The following TMC7 variants were observed in gnomAD, a reference collection of about 807,000 sequenced individuals.
TMC7 encodes the protein transmembrane channel-like protein 7.
A neutral mutation model predicts 82.9 loss-of-function variants in TMC7; 54 were observed. The observed-to-expected ratio is 0.65, with a 90% CI of 0.52 to 0.82. TMC7 has a LOEUF of 0.82. Among genes scored for constraint, TMC7 ranks in the 40% least tolerant of loss-of-function variants. TMC7 has a pLI of 0.00. For synonymous variants in TMC7, 350 were observed against 337.9 expected (o/e 1.04, Z -0.39); for missense variants, 820 against 901.2 (o/e 0.91, Z 1.15).
chr16:19,012,410 C>G (rs1959409640), intron 2 of TMC7: 1 of 152,116 alleles, frequency 6.6e-6, no homozygotes, highest in Admixed American at 6.6e-5. Flanking sequence ...CATCAAGGGA[C>G]TTCCAGGCTC....
chr16:19,060,649 T>C (rs1283625627), intron 15 of TMC7, among the ~76,000 whole-genome samples: 1 of 151,724 alleles, frequency 6.6e-6, no homozygotes, highest in Non-Finnish European at 1.5e-5. Flanking sequence ...GGCCACAGGG[T>C]GGTGAGTGAT....
At chr16:19,054,723 A>G (rs933978234) in intron 13 of TMC7, among the ~76,000 whole-genome samples, 14 of 150,798 alleles carry the variant, frequency 9.3e-5, no homozygotes, top group African/African-American at 3.4e-4. Flanking sequence ...TCTCAAAAAA[A>G]AAAAGCATGG....
intron 1 of TMC7, among the ~76,000 whole-genome samples, chr16:18,987,650 C>T (rs957241463): frequency 6.6e-6 from 1 of 152,164 alleles, no homozygotes; most frequent in African/African-American, 2.4e-5. Flanking sequence ...AAAACAGGGG[C>T]TTTGCCTTGT....
chr16:19,007,171 T>A (rs1344424085), intron 1 of TMC7, among the ~76,000 whole-genome samples: 2 of 152,042 alleles, frequency 1.3e-5, no homozygotes, highest in African/African-American at 4.8e-5. Context: ...GTTCTTGCAG[T>A]CACCCAGGTT....
chr16:19,037,336 C>T (rs1400559000), intron 7 of TMC7, among the ~76,000 whole-genome samples: 6 of 136,888 alleles, frequency 4.4e-5, no homozygotes, highest in East Asian at 2.1e-4. Context: ...TGCAGTGAGC[C>T]GAGATTGGAC....
At chr16:18,995,737 G>A (rs1167312245) in intron 1 of TMC7, among the ~76,000 whole-genome samples, 1 of 152,186 alleles carries the variant, frequency 6.6e-6, no homozygotes, top group Non-Finnish European at 1.5e-5. Flanking sequence ...TTGCTACTTG[G>A]CTGCATCTAC....
chr16:18,996,611 G>C (rs559506477), intron 1 of TMC7, among the ~76,000 whole-genome samples: 2 of 152,306 alleles, frequency 1.3e-5, no homozygotes, highest in African/African-American at 4.8e-5. Flanking sequence ...TTAAGTTCTT[G>C]AGAACACAGG....
At chr16:19,018,405 G>T (rs946760387) in intron 3 of TMC7, among the ~76,000 whole-genome samples, 4 of 152,066 alleles carry the variant, frequency 2.6e-5, no homozygotes, top group African/African-American at 7.2e-5. Context: ...CTGTGTTCAC[G>T]TAACCTTTGC....
chr16:19,030,319 G>T lies in TMC7; in HGVS notation c.807G>T (p.Leu269Phe). 1 of 1,613,744 alleles carries T rather than the reference G, an allele frequency of 6.2e-7. No homozygotes were observed. The highest frequency in any genetic ancestry group is 8.5e-7 in the Non-Finnish European group (1 of 1,179,896). The change falls in exon 6 of 16, where the codon TTG becomes TTT. Residue 269 changes from leucine (L) to phenylalanine (F), a missense_variant. Leu to Phe is a conservative substitution (Grantham distance 22, BLOSUM62 0). Coordinates refer to ENST00000304381, the MANE Select transcript of TMC7 (RefSeq NM_024847.4). ...NFTYDLPLAYLLSTIASLALS... is the reference protein window; with the variant it reads ...NFTYDLPLAYFLSTIASLALS... ...CCTATGATCTGCCCCTGGCGTATTT[G>T]TTAAGCACAATCGCCTCCCTGGCCC...
intron 6 of TMC7, among the ~76,000 whole-genome samples, chr16:19,031,575 A>G (rs886451924): frequency 6.6e-6 from 1 of 152,024 alleles, no homozygotes; most frequent in African/African-American, 2.4e-5. Flanking sequence ...GGAGGAGGAG[A>G]CAGGAGAATC....
intron 8 of TMC7, among the ~76,000 whole-genome samples, 174 bp from the exon 9 acceptor site, chr16:19,040,115 C>CAAAAA (rs55719597): frequency 4.5e-5 from 3 of 67,100 alleles, no homozygotes; most frequent in Non-Finnish European, 7.6e-5. Flanking sequence ...GACTCCATCT[C>CAAAAA]AAAAAAAAAA....
chr16:19,038,159 T>A (rs1033935180), intron 8 of TMC7, 112 bp downstream of exon 8: 2 of 1,087,384 alleles, frequency 1.8e-6, no homozygotes, highest in South Asian at 1.6e-5. Flanking sequence ...TTGGCTGATA[T>A]GATCAAGACC....
chr16:19,038,052 ATTAAC>A lies in TMC7; in HGVS notation c.1179+8_1179+12del. ...TCGCAAGAGCACATGAAAAAGGTAA[ATTAAC>A]TTGTACTCTGGCTGGACATTATGCC... On this transcript the variant is annotated splice_donor_region_variant and intron_variant, in intron 8 of 15. Coordinates refer to ENST00000304381, the MANE Select transcript of TMC7 (RefSeq NM_024847.4). 6.2e-7 allele frequency: 1 copy of A among 1,612,860 alleles called. No homozygotes were observed. Among genetic ancestry groups the A allele is most frequent in the African/African-American group, 1.3e-5 (1 of 75,030 alleles).
intron 1 of TMC7, among the ~76,000 whole-genome samples, chr16:19,003,800 A>G (rs1165126196): frequency 2.4e-5 from 2 of 84,578 alleles, no homozygotes; most frequent in African/African-American, 9.4e-5. Flanking sequence ...GGGCGGTGCA[A>G]GATGTGCTTT....
At chr16:19,021,825 G>C in intron 4 of TMC7, 29 bp downstream of exon 4, 1 of 1,607,862 alleles carries the variant, frequency 6.2e-7, no homozygotes, top group South Asian at 1.1e-5. Context: ...TTACTACGAA[G>C]TGTGTTTGTT....
chr16:19,015,570 GT>G (rs869231364), intron 2 of TMC7, among the ~76,000 whole-genome samples: 4,710 of 139,848 alleles, frequency 0.034, 177 homozygotes, highest in African/African-American at 0.11. Flanking sequence ...CTCAAGACAA[GT>G]TTTTTTTTTT....
chr16:19,003,264 AG>A (rs1400404948), intron 1 of TMC7, among the ~76,000 whole-genome samples: 2 of 152,242 alleles, frequency 1.3e-5, no homozygotes, highest in Admixed American at 1.3e-4. Flanking sequence ...GCTTGAGCCC[AG>A]GAATTCAGGT....
chr16:19,003,793 C>T (rs1212753418), intron 1 of TMC7, among the ~76,000 whole-genome samples: 4 of 82,266 alleles, frequency 4.9e-5, no homozygotes, highest in Non-Finnish European at 7.1e-5. Context: ...GGATTAAGGG[C>T]GGTGCAAGAT....
intron 1 of TMC7, among the ~76,000 whole-genome samples, chr16:19,005,788 A>T (rs909261869): frequency 6.6e-6 from 1 of 151,962 alleles, no homozygotes; most frequent in Admixed American, 6.6e-5. Context: ...GACCACACCC[A>T]CCCTACCCTC....
Sources: allele counts gnomAD v4.1 joint callset (sites outside exome capture counted in the v4.1 genomes callset), GRCh38; gene constraint gnomAD v4.1.1; transcripts MANE v1.5; gene names NCBI Gene and HGNC (gene_info 2026-07-23, HGNC 2026-07-21).